Variants in THRB observed in about 807,000 individuals in gnomAD.
The protein encoded by THRB is thyroid hormone receptor beta.
THRB carries 12 observed loss-of-function variants against 47.8 expected under a neutral mutation model. The observed-to-expected ratio is 0.25, with a 90% CI of 0.16 to 0.41. The LOEUF (loss-of-function observed/expected upper bound fraction) is 0.41, where lower values mean the gene tolerates loss of function less well. THRB is among the 10% of genes least tolerant of loss of function. The pLI is 1.00. For synonymous variants in THRB, 218 were observed against 212.2 expected, an observed-to-expected ratio of 1.03 and a Z score of -0.24; for missense variants, 348 against 589.2, an observed-to-expected ratio of 0.59 and a Z score of 4.24.
chr3:24,138,482 G>C (rs2034994098), intron 8 of THRB, among the ~76,000 whole-genome samples: 1 of 152,240 alleles, frequency 6.6e-6, no homozygotes, highest in South Asian at 2.1e-4. Context: ...TAACCCACTT[G>C]TATCTATTGC....
At chr3:24,332,994 A>G (rs1381526083) in intron 2 of THRB, among the ~76,000 whole-genome samples, 1 of 152,168 alleles carries the variant, frequency 6.6e-6, no homozygotes, top group Non-Finnish European at 1.5e-5. Flanking sequence ...CTGAGGCAGG[A>G]GAATGGCGTG....
chr3:24,249,302 C>T (rs1027523212), intron 3 of THRB, among the ~76,000 whole-genome samples: 1 of 152,024 alleles, frequency 6.6e-6, no homozygotes, highest in Non-Finnish European at 1.5e-5. Flanking sequence ...AATTAAAACC[C>T]ACCATAGAGT....
chr3:24,215,586 C>G (rs900627473), intron 4 of THRB, among the ~76,000 whole-genome samples: 6 of 152,292 alleles, frequency 3.9e-5, no homozygotes, highest in South Asian at 2.1e-4. Flanking sequence ...AAAGATCAAG[C>G]CCTTCCTGAA....
At chr3:24,181,732 T>G (rs975069505) in intron 5 of THRB, among the ~76,000 whole-genome samples, 1 of 152,216 alleles carries the variant, frequency 6.6e-6, no homozygotes, top group African/African-American at 2.4e-5. Context: ...TTATTATTCT[T>G]TTCCTTCTCT....
rs988619315 is a variant in THRB, at chr3:24,293,176, C to T, written c.-43+4050G>A. On this transcript the variant is annotated intron_variant, in intron 3 of 10. Transcript: ENST00000646209. ...TTTGGGGTGGTCTGAAAGGGTATCACGACTTCTACAAGCTCTGATACCTGA... is the reference window on the plus strand; with the variant it reads ...TTTGGGGTGGTCTGAAAGGGTATCATGACTTCTACAAGCTCTGATACCTGA... Among the ~76,000 whole-genome samples, 9 of 152,268 alleles carry T rather than the reference C, an allele frequency of 5.9e-5. No individual in the cohort carries two copies. The East Asian group carries it at 1.2e-3, about 20-fold the overall frequency.
chr3:24,133,872 C>T (rs954148707), intron 8 of THRB, among the ~76,000 whole-genome samples: 2 of 152,224 alleles, frequency 1.3e-5, no homozygotes, highest in African/African-American at 2.4e-5. Context: ...GGTGGGCACA[C>T]CGTGGGCAGT....
intron 1 of THRB, among the ~76,000 whole-genome samples, chr3:24,469,053 G>A (rs2074367025): frequency 6.6e-6 from 1 of 152,078 alleles, no homozygotes; most frequent in Admixed American, 6.5e-5. Context: ...CATCCCCATG[G>A]CTTTGCCAAG....
intron 5 of THRB, among the ~76,000 whole-genome samples, chr3:24,161,873 G>A (rs888064796): frequency 8.1e-6 from 1 of 123,748 alleles, no homozygotes; most frequent in Non-Finnish European, 1.6e-5. Context: ...TTAAAAACAG[G>A]AAATTCTTAT....
At chr3:24,130,701 T>G (rs2033723656) in intron 9 of THRB, among the ~76,000 whole-genome samples, 1 of 152,264 alleles carries the variant, frequency 6.6e-6, no homozygotes, top group Non-Finnish European at 1.5e-5. Flanking sequence ...AGAGTGCACA[T>G]ACTTTCTCGA....
chr3:24,150,884 C>T (rs752155794), intron 6 of THRB, among the ~76,000 whole-genome samples: 3 of 151,980 alleles, frequency 2.0e-5, no homozygotes, highest in African/African-American at 4.8e-5. Flanking sequence ...TTTGAATTAT[C>T]GAACTTTTGG....
At chr3:24,264,795 C>CA (rs66808823) in intron 3 of THRB, among the ~76,000 whole-genome samples, 67,466 of 147,964 alleles carry the variant, frequency 0.46, 15,338 homozygotes, top group East Asian at 0.56. Context: ...AATCTTGTTG[C>CA]AAAAAAAAAA....
At chr3:24,364,877 CA>C (rs1406930597) in intron 1 of THRB, among the ~76,000 whole-genome samples, 2 of 152,008 alleles carry the variant, frequency 1.3e-5, no homozygotes, top group Non-Finnish European at 2.9e-5. Context: ...AGAGAAATAC[CA>C]AAAATCAAAT....
intron 1 of THRB, among the ~76,000 whole-genome samples, chr3:24,414,592 G>A (rs1437799444): frequency 6.6e-6 from 1 of 151,766 alleles, no homozygotes; most frequent in African/African-American, 2.4e-5. Flanking sequence ...GCCGCTTCAG[G>A]ATATGCTTCA....
chr3:24,229,007 A>G lies in THRB; in HGVS notation c.-42-6T>C. 1 of 1,498,138 alleles carries G rather than the reference A, an allele frequency of 6.7e-7. No homozygotes were observed. The highest frequency in any genetic ancestry group is 9.2e-7 in the Non-Finnish European group (1 of 1,092,862). 92.8% of individuals were successfully genotyped at this position (1,498,138 alleles called of 1,614,324 possible). ...CCTTTTTTCACTGACATCTCCTACA[A>G]GGAAAAAATACAAAAAAAATCACAG... On this transcript the variant is annotated splice_region_variant and splice_polypyrimidine_tract_variant and intron_variant, in intron 3 of 10. Coordinates refer to ENST00000646209, the MANE Select transcript of THRB (RefSeq NM_001354712.2).
At chr3:24,261,821 C>T (rs2052072007) in intron 3 of THRB, among the ~76,000 whole-genome samples, 1 of 152,186 alleles carries the variant, frequency 6.6e-6, no homozygotes, top group African/African-American at 2.4e-5. Context: ...CCTCCATTTA[C>T]CCTCCAGGAT....
chr3:24,273,357 C>CTTA (rs2053554471), intron 3 of THRB, among the ~76,000 whole-genome samples: 1 of 152,128 alleles, frequency 6.6e-6, no homozygotes, highest in Non-Finnish European at 1.5e-5. Flanking sequence ...TACATTCTAA[C>CTTA]AGGTGTCCAT....
rs139722026 is a variant in THRB at position 24,136,826 on chromosome 3, A to G, written c.739-3364T>C. Among the ~76,000 whole-genome samples, 267 of 152,302 alleles carry G rather than the reference A, an allele frequency of 1.8e-3. 1 individual carries two copies. The highest frequency in any genetic ancestry group is 0.016 in the Admixed American group (239 of 15,300). ...CTCTTTGCCCTAAATGGACTTCCTG[A>G]GCTAGCCCAGCTGTCTGCTCTATGT... On this transcript the variant is annotated intron_variant, in intron 8 of 10. Transcript: ENST00000646209.
chr3:24,293,032 C>T (rs2056099225), intron 3 of THRB, among the ~76,000 whole-genome samples: 1 of 132,730 alleles, frequency 7.5e-6, no homozygotes, highest in Non-Finnish European at 1.6e-5. Flanking sequence ...TTGTTTGTTG[C>T]TCATAATTTT....
rs1466517395 is a variant in THRB, at chr3:24,121,642, G to C, written c.*1242C>G. 1 of 152,364 alleles carries C rather than the reference G, an allele frequency of 6.6e-6. No individual in the cohort carries two copies. Among genetic ancestry groups the C allele is most frequent in the Non-Finnish European group, 1.5e-5 (1 of 68,112 alleles). 9.4% of individuals were successfully genotyped at this position (152,364 alleles called of 1,614,324 possible). ...GGTGTTTTCTATTGAGTATCTGTCA[G>C]GGTATGCTATGAGAGGGACAGGAGG... On this transcript the variant is annotated 3_prime_UTR_variant, in exon 11 of 11. Transcript: ENST00000646209.
Sources: gnomAD v4.1 joint callset for allele counts (sites outside exome capture counted in the v4.1 genomes callset) on GRCh38, gnomAD v4.1.1 for gene constraint, MANE v1.5 for transcripts, NCBI Gene and HGNC (gene_info 2026-07-23, HGNC 2026-07-21) for gene names.